The following AGPS variants were observed in gnomAD, a reference collection of about 807,000 sequenced individuals.
AGPS encodes the protein alkyldihydroxyacetonephosphate synthase, peroxisomal.
Under a neutral mutation model 90.7 loss-of-function variants are expected in AGPS, and 26 were observed. The observed-to-expected ratio is 0.29, with a 90% CI of 0.21 to 0.40. AGPS has a LOEUF of 0.40. Among genes scored for constraint, AGPS ranks in the 10% least tolerant of loss-of-function variants. The pLI, the probability that AGPS is intolerant of heterozygous loss-of-function variation, is 1.00. For missense variants in AGPS, 540 were observed against 816.1 expected (o/e 0.66, Z 4.12); for synonymous variants, 294 against 285.3 (o/e 1.03, Z -0.31).
intron 19 of AGPS, among the ~76,000 whole-genome samples, chr2:177,524,308 AT>A (rs1287387778): frequency 6.6e-6 from 1 of 152,186 alleles, no homozygotes; most frequent in African/African-American, 2.4e-5. Context: ...CTTAGTGGTC[AT>A]TTTGGTAAGT....
intron 19 of AGPS, among the ~76,000 whole-genome samples, chr2:177,532,857 G>A (rs536523932): frequency 6.6e-6 from 1 of 152,256 alleles, no homozygotes; most frequent in South Asian, 2.1e-4. Flanking sequence ...AGGGAATTAT[G>A]TTAAGTGAAT....
Position 177,404,978 on chromosome 2 carries a change from C to T in AGPS, c.260+11929C>T, listed in dbSNP as rs145474175. On this transcript the variant is annotated intron_variant, in intron 1 of 19. Transcript: ENST00000264167. ...AGTATTAATCTGAGCTAGGTTAAAGCAGAAAAGGGAAATTTATTCTAAGAG... is the reference window on the plus strand; with the variant it reads ...AGTATTAATCTGAGCTAGGTTAAAGTAGAAAAGGGAAATTTATTCTAAGAG... Among the ~76,000 whole-genome samples the T allele has an allele frequency of 3.8e-3, 575 of 152,198 alleles. 1 individual carries two copies. The highest frequency in any genetic ancestry group is 6.3e-3 in the Non-Finnish European group (428 of 68,000).
chr2:177,471,048 GAT>G, intron 10 of AGPS, among the ~76,000 whole-genome samples: 1 of 152,226 alleles, frequency 6.6e-6, no homozygotes, highest in Middle Eastern at 3.4e-3. Flanking sequence ...TTATTATTTT[GAT>G]ATCAGTGATC....
At chr2:177,430,470 C>CTTGG (rs1189311282) in intron 2 of AGPS, among the ~76,000 whole-genome samples, 1 of 152,120 alleles carries the variant, frequency 6.6e-6, no homozygotes, top group Non-Finnish European at 1.5e-5. Flanking sequence ...GTGTATTGAA[C>CTTGG]CCAAGGCCCT....
intron 17 of AGPS, among the ~76,000 whole-genome samples, chr2:177,516,151 A>G (rs1296003284): frequency 6.6e-6 from 1 of 152,144 alleles, no homozygotes; most frequent in African/African-American, 2.4e-5. Context: ...AGCTGTTCCA[A>G]AGTTATTTAA....
At chr2:177,525,677 G>A (rs2079079172) in intron 19 of AGPS, among the ~76,000 whole-genome samples, 1 of 152,146 alleles carries the variant, frequency 6.6e-6, no homozygotes. Context: ...CCTTAATTGT[G>A]GGATGATGTT....
chr2:177,518,251 T>G, intron 17 of AGPS, among the ~76,000 whole-genome samples: 1 of 151,916 alleles, frequency 6.6e-6, no homozygotes, highest in East Asian at 1.9e-4. Flanking sequence ...CTGGCCAACA[T>G]GATGAAACCC....
At chr2:177,451,165 T>A (rs946382554) in intron 8 of AGPS, among the ~76,000 whole-genome samples, 2 of 151,726 alleles carry the variant, frequency 1.3e-5, no homozygotes, top group Admixed American at 6.6e-5. Flanking sequence ...CTTGCCATAT[T>A]GCTGAGACTG....
intron 12 of AGPS, among the ~76,000 whole-genome samples, chr2:177,494,238 T>C (rs371857916): frequency 6.6e-6 from 1 of 152,000 alleles, no homozygotes. Context: ...ATGGTTATAG[T>C]TACATAGAAA....
At chr2:177,422,564 T>C (rs930935666) in intron 2 of AGPS, among the ~76,000 whole-genome samples, 1 of 152,210 alleles carries the variant, frequency 6.6e-6, no homozygotes, top group Non-Finnish European at 1.5e-5. Flanking sequence ...AGTGAATATC[T>C]GGCAAATTTG....
intron 14 of AGPS, among the ~76,000 whole-genome samples, chr2:177,501,817 G>A (rs1688568381): frequency 6.6e-6 from 1 of 152,090 alleles, no homozygotes; most frequent in Non-Finnish European, 1.5e-5. Context: ...ACAGGCTCAT[G>A]CCACCACGCC....
chr2:177,482,293 A>C, intron 11 of AGPS, 107 bp downstream of exon 11: 1 of 615,666 alleles, frequency 1.6e-6, no homozygotes, highest in South Asian at 2.3e-5. Flanking sequence ...ACTAATCTTC[A>C]TTTTTAGTTG....
At chr2:177,454,216 T>C (rs1687045021) in intron 8 of AGPS, among the ~76,000 whole-genome samples, 1 of 151,898 alleles carries the variant, frequency 6.6e-6, no homozygotes, top group African/African-American at 2.4e-5. Context: ...TTTACTCACT[T>C]ATTAGGCTCT....
chr2:177,497,838 C>T (rs1688454588), intron 13 of AGPS, 73 bp downstream of exon 13: 3 of 767,692 alleles, frequency 3.9e-6, no homozygotes, highest in Admixed American at 2.4e-5. Context: ...CCCACATGCA[C>T]CTATTGTAAG....
intron 9 of AGPS, among the ~76,000 whole-genome samples, chr2:177,463,650 C>G (rs987396389): frequency 6.6e-6 from 1 of 151,804 alleles, no homozygotes; most frequent in Admixed American, 6.6e-5. Context: ...TTTCATTATC[C>G]TATTTATTTT....
At chr2:177,493,397 G>A (rs1393928012) in intron 12 of AGPS, among the ~76,000 whole-genome samples, 198 bp downstream of exon 12, 4 of 152,168 alleles carry the variant, frequency 2.6e-5, no homozygotes, top group African/African-American at 9.7e-5. Context: ...AGACTGCACT[G>A]GATACCATGG....
intron 2 of AGPS, among the ~76,000 whole-genome samples, chr2:177,431,087 A>G (rs535878685): frequency 9.3e-4 from 142 of 152,240 alleles, no homozygotes; most frequent in African/African-American, 3.2e-3. Flanking sequence ...CATAGGTTCT[A>G]TTTTCCCTAA....
intron 15 of AGPS, among the ~76,000 whole-genome samples, chr2:177,506,627 G>T (rs184692998): frequency 6.6e-6 from 1 of 151,882 alleles, no homozygotes. Flanking sequence ...AAATTGCAGT[G>T]AATTTGAAGC....
At chr2:177,443,400 C>T (rs1686672058) in intron 7 of AGPS, among the ~76,000 whole-genome samples, 1 of 152,110 alleles carries the variant, frequency 6.6e-6, no homozygotes, top group African/African-American at 2.4e-5. Context: ...TTTGAAGAAA[C>T]AAGGTTATTT....
Sources: allele counts gnomAD v4.1 joint callset (sites outside exome capture counted in the v4.1 genomes callset), GRCh38; gene constraint gnomAD v4.1.1; transcripts MANE v1.5; gene names NCBI Gene and HGNC (gene_info 2026-07-23, HGNC 2026-07-21).